SPMIP2: variants seen among roughly 807,000 people sequenced by gnomAD.
SPMIP2 encodes sperm microtubule inner protein 2, also known as protein SPMIP2.
the SPMIP2 span, chr4:158,904,502 T>C: frequency 1.9e-6 from 3 of 1,613,314 alleles, no homozygotes; most frequent in South Asian, 1.1e-5. Flanking sequence ...TGACTGCTAT[T>C]GCCAGTACTC....
At chr4:158,956,103 C>T in the SPMIP2 span, among the ~76,000 whole-genome samples, 2 of 152,216 alleles carry the variant, frequency 1.3e-5, no homozygotes, top group Non-Finnish European at 2.9e-5. Flanking sequence ...CTGCTATAGC[C>T]TTCTATAGGA....
chr4:158,939,703 T>C, the SPMIP2 span, among the ~76,000 whole-genome samples: 1 of 151,974 alleles, frequency 6.6e-6, no homozygotes, highest in African/African-American at 2.4e-5. Context: ...TGGGGCCGGG[T>C]GTGGTGGCTC....
At chr4:159,072,776 C>T in the SPMIP2 span, among the ~76,000 whole-genome samples, 1 of 152,026 alleles carries the variant, frequency 6.6e-6, no homozygotes, top group Non-Finnish European at 1.5e-5. Context: ...GTCCCAAATT[C>T]TTCAGAGAAA....
the SPMIP2 span, among the ~76,000 whole-genome samples, chr4:159,016,258 TC>T: frequency 3.3e-5 from 5 of 152,192 alleles, no homozygotes; most frequent in Non-Finnish European, 4.4e-5. Context: ...CATTATGACA[TC>T]CTATTGATCC....
At chr4:159,024,014 G>A in the SPMIP2 span, among the ~76,000 whole-genome samples, 1 of 152,212 alleles carries the variant, frequency 6.6e-6, no homozygotes, top group Non-Finnish European at 1.5e-5. Flanking sequence ...GCTTGGAAAC[G>A]AAGTAGCTGG....
the SPMIP2 span, among the ~76,000 whole-genome samples, chr4:158,964,742 T>TTGTAAAA: frequency 2.6e-5 from 4 of 152,188 alleles, no homozygotes; most frequent in Non-Finnish European, 5.9e-5. Flanking sequence ...GAGGTTTAAT[T>TTGTAAAA]GACTCACAGT....
the SPMIP2 span, among the ~76,000 whole-genome samples, chr4:159,032,612 G>A: frequency 6.6e-6 from 1 of 152,120 alleles, no homozygotes; most frequent in African/African-American, 2.4e-5. Flanking sequence ...CCAAATGACA[G>A]AAAACCCAAC....
chr4:158,988,024 A>G, the SPMIP2 span, among the ~76,000 whole-genome samples: 2 of 152,160 alleles, frequency 1.3e-5, no homozygotes, highest in Non-Finnish European at 2.9e-5. Context: ...AGGAGAGAAT[A>G]TTCAAATAGA....
chr4:159,072,735 T>C, the SPMIP2 span, among the ~76,000 whole-genome samples: 13 of 152,162 alleles, frequency 8.5e-5, no homozygotes, highest in South Asian at 6.2e-4. Flanking sequence ...AGTGCTGGGA[T>C]TATGTTAATC....
At chr4:158,993,647 A>C in the SPMIP2 span, among the ~76,000 whole-genome samples, 5 of 152,170 alleles carry the variant, frequency 3.3e-5, no homozygotes, top group Non-Finnish European at 7.3e-5. Flanking sequence ...GGAATATAGC[A>C]GTGAAAAAAA....
the SPMIP2 span, among the ~76,000 whole-genome samples, chr4:158,989,849 AAGCAACG>A: frequency 6.6e-6 from 1 of 152,184 alleles, no homozygotes; most frequent in Non-Finnish European, 1.5e-5. Flanking sequence ...AAACACCAAA[AAGCAACG>A]GCAACAAAAG....
the SPMIP2 span, chr4:159,007,426 G>C: frequency 1.5e-6 from 1 of 669,746 alleles, no homozygotes; most frequent in Non-Finnish European, 2.8e-6. Context: ...TCCTGTTCCT[G>C]CTTGCCCTGG....
the SPMIP2 span, among the ~76,000 whole-genome samples, chr4:158,970,044 A>G: frequency 1.3e-5 from 2 of 152,220 alleles, no homozygotes; most frequent in Non-Finnish European, 2.9e-5. Flanking sequence ...TGAGAAGTTT[A>G]CCAGTTCCCT....
chr4:158,960,619 C>T, the SPMIP2 span, among the ~76,000 whole-genome samples: 2 of 152,082 alleles, frequency 1.3e-5, no homozygotes, highest in African/African-American at 4.8e-5. Context: ...GATGCGTCAT[C>T]ACTAAGTTGC....
chr4:159,026,215 T>C, the SPMIP2 span: 1 of 480,784 alleles, frequency 2.1e-6, no homozygotes. Flanking sequence ...AATAGCTTTG[T>C]GAAAAATGGG....
chr4:158,907,136 GT>G, the SPMIP2 span: 1 of 152,158 alleles, frequency 6.6e-6, no homozygotes, highest in African/African-American at 2.4e-5. Context: ...TTTCTAGCAT[GT>G]TGCAGTTTTA....
chr4:159,004,921 C>T, the SPMIP2 span, among the ~76,000 whole-genome samples: 116 of 151,970 alleles, frequency 7.6e-4, 2 homozygotes, highest in Admixed American at 7.1e-3. Context: ...TTAATACCTT[C>T]TTCCAGAAAC....
the SPMIP2 span, among the ~76,000 whole-genome samples, chr4:158,986,118 T>C: frequency 0.63 from 92,723 of 148,146 alleles, 29,427 homozygotes; most frequent in Middle Eastern, 0.7. Context: ...CAAACCACTG[T>C]TCAAGGAAAT....
chr4:158,962,605 A>G, the SPMIP2 span, among the ~76,000 whole-genome samples: 1 of 152,128 alleles, frequency 6.6e-6, no homozygotes, highest in Admixed American at 6.5e-5. Flanking sequence ...GCAAAATATT[A>G]CTGTTAACCC....
Sources: gnomAD v4.1 joint callset for allele counts (sites outside exome capture counted in the v4.1 genomes callset) on GRCh38, gnomAD v4.1.1 for gene constraint, MANE v1.5 for transcripts, NCBI Gene and HGNC (gene_info 2026-07-23, HGNC 2026-07-21) for gene names.